DGKZ: variants seen among roughly 807,000 people sequenced by gnomAD.
The protein encoded by DGKZ is diacylglycerol kinase zeta, also known as DAG kinase zeta.
A neutral mutation model predicts 142.5 loss-of-function variants in DGKZ; 45 were observed. That is an observed-to-expected ratio of 0.32 (90% CI 0.25 to 0.40). The LOEUF is 0.40. DGKZ is among the 10% of genes least tolerant of loss of function. DGKZ has a pLI of 1.00. For missense variants in DGKZ, 755 were observed against 1,306.5 expected, an observed-to-expected ratio of 0.58 and a Z score of 6.51; for synonymous variants, 442 against 527.0, an observed-to-expected ratio of 0.84 and a Z score of 2.21.
intron 1 of DGKZ, chr11:46,366,965 G>A (rs1424482115): frequency 2.0e-6 from 3 of 1,534,262 alleles, no homozygotes; most frequent in Non-Finnish European, 1.7e-6. Flanking sequence ...CGGACCCCAG[G>A]CCTGGAGCGC....
At position 46,367,242 on chromosome 11, in the gene DGKZ, A is replaced by G; in HGVS notation, c.162-49A>G. 3 of 1,524,048 alleles carry G rather than the reference A, an allele frequency of 2.0e-6. No homozygotes were observed. The highest frequency in any genetic ancestry group is 2.7e-6 in the Non-Finnish European group (3 of 1,110,166). The allele number at this position is 1,524,048 out of a possible 1,614,324, so 94.4% of individuals were successfully genotyped here. A position where few individuals can be genotyped will look rare whatever the true frequency, so the allele number is the denominator to read the frequency against. On this transcript the variant is annotated intron_variant, in intron 1 of 30. Transcript: ENST00000527911. This position sits in a 1 kb window ranked among gnomAD's most constrained non-coding sequence, Gnocchi z 4.1. ...GAGGCCCCAGGAGGTGGGAGGAAGT[A>G]GGGTCAGCAAGTGCTCAGCCCCCTC... is the stretch of plus-strand genomic sequence containing the variant.
intron 17 of DGKZ, 48 bp downstream of exon 17, chr11:46,374,714 G>GGCGGAGGCCACCTGGCACAT (rs755990009): frequency 6.2e-7 from 1 of 1,611,086 alleles, no homozygotes; most frequent in East Asian, 2.2e-5. Context: ...AAGGGAGGGA[G>GGCGGAGGCCACCTGGCACAT]GCGGAGGCCA....
At chr11:46,380,060 G>A in exon 31 of DGKZ, 1 of 1,106,536 alleles carries the variant, frequency 9.0e-7, no homozygotes, top group Admixed American at 2.6e-5. Context: ...TAGGCCCCAG[G>A]GAAAGAGCCC....
chr11:46,345,533 C>T (rs373623948), upstream of DGKZ: 38 of 1,524,276 alleles, frequency 2.5e-5, no homozygotes, highest in African/African-American at 4.2e-5. The surrounding 1 kb of genome is among the most constrained non-coding windows in gnomAD (Gnocchi z 4.1). Context: ...GCAGATGTGG[C>T]GCTACCGCTC....
At chr11:46,374,113 T>G in intron 14 of DGKZ, 44 bp from the exon 15 acceptor site, 1 of 1,600,070 alleles carries the variant, frequency 6.2e-7, no homozygotes, top group Non-Finnish European at 8.6e-7. Context: ...GCGGGGACAT[T>G]TGTGAGGCCC....
intron 1 of DGKZ, among the ~76,000 whole-genome samples, chr11:46,348,087 A>C (rs533987818): frequency 8.5e-5 from 13 of 152,212 alleles, no homozygotes; most frequent in Admixed American, 8.5e-4. Flanking sequence ...AGTGCGCCTC[A>C]TGTGTAGTAC....
intron 6 of DGKZ, 30 bp from the exon 7 acceptor site, chr11:46,371,283 C>T (rs201613519): frequency 6.2e-7 from 1 of 1,609,572 alleles, no homozygotes; most frequent in East Asian, 2.2e-5. Flanking sequence ...CACGCCTGCC[C>T]TGGTTCCCAT....
upstream of DGKZ, among the ~76,000 whole-genome samples, chr11:46,343,341 T>C (rs879604707): frequency 4.6e-5 from 7 of 152,232 alleles, no homozygotes; most frequent in African/African-American, 1.7e-4. Flanking sequence ...AAATATTATG[T>C]TCCCATCATG....
At chr11:46,376,959 C>A (rs1405365340) in intron 24 of DGKZ, 114 bp from the exon 25 acceptor site, 1 of 964,988 alleles carries the variant, frequency 1.0e-6, no homozygotes, top group East Asian at 2.5e-5. Context: ...TGCCTGGCCA[C>A]CTCCTTTCAG....
rs201394404 is a variant in DGKZ, at chr11:46,376,504, A to G, written c.2162-20A>G. 28 of 1,613,592 alleles carry G rather than the reference A, an allele frequency of 1.7e-5. No homozygotes were observed. Among genetic ancestry groups the G allele is most frequent in the Non-Finnish European group, 2.4e-5 (28 of 1,179,970 alleles). On this transcript the variant is annotated intron_variant, in intron 23 of 30. Coordinates refer to ENST00000527911, the Ensembl canonical transcript of DGKZ. ...CTGGACATGGCACTCCCTGATCCTC[A>G]GCTGCCCTCTCTCCCACAGCCACCA...
At chr11:46,376,526 A>C in exon 24 of DGKZ, 1 of 1,613,684 alleles carries the variant, frequency 6.2e-7, no homozygotes, top group Non-Finnish European at 8.5e-7. Flanking sequence ...TCCCACAGCC[A>C]CCACTGCCAG....
chr11:46,376,089 G>A lies in DGKZ; in HGVS notation c.2035G>A (p.Val679Ile), dbSNP rs764021066. 2 of 1,611,738 alleles carry A rather than the reference G, an allele frequency of 1.2e-6. No homozygotes were observed. The highest frequency in any genetic ancestry group is 1.7e-5 in the Admixed American group (1 of 60,002). Residue 679 changes from valine (V) to isoleucine (I), a missense_variant, in exon 22 of 31, where the codon GTC becomes ATC. This residue lies in a region of DGKZ where 114 missense variants were observed against 180.9 expected (regional missense o/e 0.63). Coordinates refer to ENST00000527911, the Ensembl canonical transcript of DGKZ. Reference sequence around the variant, plus strand: ...AGCTGTGCCGCTGGGCACTGTGGTGGTCCCAGGAGACAGTGACCTAGAGCT... The same window carrying A: ...AGCTGTGCCGCTGGGCACTGTGGTGATCCCAGGAGACAGTGACCTAGAGCT...
chr11:46,369,197 A>C (rs1486794857), intron 4 of DGKZ: 8 of 482,048 alleles, frequency 1.7e-5, no homozygotes, highest in Middle Eastern at 5.3e-4. Flanking sequence ...ACAAAAAAAA[A>C]ACAACGAGCA....
intron 1 of DGKZ, chr11:46,366,912 C>A: frequency 6.5e-7 from 1 of 1,546,036 alleles, no homozygotes; most frequent in Non-Finnish European, 8.7e-7. Flanking sequence ...CGTGTGCGCC[C>A]ACTGTCCCGC....
chr11:46,372,901 G>A lies in DGKZ; in HGVS notation c.1185+17G>A, dbSNP rs768500831. The A allele has an allele frequency of 1.3e-6, 2 of 1,565,032 alleles. No homozygotes were observed. The highest frequency in any genetic ancestry group is 1.7e-6 in the Non-Finnish European group (2 of 1,154,636). On this transcript the variant is annotated intron_variant, in intron 13 of 30. Transcript: ENST00000527911. The surrounding 1 kb of genome is among the most constrained non-coding windows in gnomAD (Gnocchi z 5.9). ...TGGGGTGGGGTAAGCACCCATAGGA[G>A]GGGGGTGCAGCTGGGGCCTCTCCAG...
At chr11:46,345,362 C>T (rs916392337), upstream of DGKZ, 257 of 1,399,168 alleles carry the variant, frequency 1.8e-4, no homozygotes, top group Non-Finnish European at 2.3e-4. The surrounding 1 kb of genome is among the most constrained non-coding windows in gnomAD (Gnocchi z 4.1). Context: ...CCCCTCGACC[C>T]CACCCCCGTC....
intron 1 of DGKZ, among the ~76,000 whole-genome samples, chr11:46,341,935 G>C (rs539501437): frequency 6.6e-6 from 1 of 152,338 alleles, no homozygotes; most frequent in African/African-American, 2.4e-5. Context: ...AGAACAGCCA[G>C]AGAACGTAAG....
chr11:46,379,547 G>A (rs1472696975), exon 30 of DGKZ: 5 of 1,610,064 alleles, frequency 3.1e-6, no homozygotes, highest in African/African-American at 1.3e-5. Context: ...CCGGGGCCTC[G>A]CTCATGAAGA....
At chr11:46,366,464 T>C in intron 1 of DGKZ, 1 of 1,562,044 alleles carries the variant, frequency 6.4e-7, no homozygotes, top group South Asian at 1.2e-5. Flanking sequence ...GGCCCAGGGT[T>C]CCAGCCGCCG....
Sources: gnomAD v4.1 joint callset for allele counts (sites outside exome capture counted in the v4.1 genomes callset) on GRCh38, gnomAD v4.1.1 for gene constraint, gnomAD v4.1.1 regional missense constraint, Gnocchi (gnomAD v3.1) non-coding constraint, MANE v1.5 for transcripts, NCBI Gene and HGNC (gene_info 2026-07-23, HGNC 2026-07-21) for gene names.